The following LPAR1 variants were observed in gnomAD, a reference collection of about 807,000 sequenced individuals.
LPAR1 encodes the protein LPA receptor 1.
LPAR1 carries 5 observed loss-of-function variants against 23.8 expected under a neutral mutation model. The ratio of observed to expected loss-of-function variants is 0.21; its 90% CI spans 0.11 to 0.44. The LOEUF is 0.44. LPAR1 is among the 20% of genes least tolerant of loss of function. The pLI, the probability that LPAR1 is intolerant of heterozygous loss-of-function variation, is 0.99. For missense variants in LPAR1, 311 were observed against 482.8 expected (o/e 0.64, Z 3.33); for synonymous variants, 160 against 164.7 (o/e 0.97, Z 0.22).
At chr9:111,005,575 A>AAAAAAG (rs1564316925) in intron 2 of LPAR1, among the ~76,000 whole-genome samples, 12 of 131,508 alleles carry the variant, frequency 9.1e-5, no homozygotes, top group African/African-American at 3.6e-4. Context: ...AAAAAAAAAA[A>AAAAAAG]AAGAAGAATT....
chr9:110,911,473 T>C (rs1449325504), intron 5 of LPAR1, among the ~76,000 whole-genome samples: 1 of 151,914 alleles, frequency 6.6e-6, no homozygotes, highest in Non-Finnish European at 1.5e-5. Flanking sequence ...GCCTGGGAAG[T>C]AGAGGCTACA....
intron 2 of LPAR1, among the ~76,000 whole-genome samples, chr9:110,987,463 A>G (rs561003961): frequency 9.9e-5 from 15 of 151,634 alleles, no homozygotes; most frequent in African/African-American, 3.6e-4. Context: ...TACTCACGAA[A>G]TTATTCTTTA....
intron 2 of LPAR1, among the ~76,000 whole-genome samples, chr9:110,975,272 G>T (rs1313997185): frequency 6.6e-6 from 1 of 152,168 alleles, no homozygotes; most frequent in Non-Finnish European, 1.5e-5. Flanking sequence ...AATAGAAATG[G>T]ATGAGATCCA....
chr9:110,980,460 G>C (rs958295903), intron 2 of LPAR1, among the ~76,000 whole-genome samples: 2 of 151,894 alleles, frequency 1.3e-5, no homozygotes, highest in African/African-American at 4.8e-5. Context: ...CATACATCCT[G>C]TCATTTGCAG....
At chr9:110,943,612 C>A (rs1450862641) in intron 4 of LPAR1, among the ~76,000 whole-genome samples, 3 of 152,248 alleles carry the variant, frequency 2.0e-5, no homozygotes, top group African/African-American at 7.2e-5. Flanking sequence ...GTAATCCCAG[C>A]ACTTTGGGAG....
chr9:111,023,015 C>T (rs1374958096), intron 2 of LPAR1, among the ~76,000 whole-genome samples: 2 of 141,062 alleles, frequency 1.4e-5, no homozygotes, highest in Non-Finnish European at 1.5e-5. Context: ...CGCGCCACTG[C>T]ACTCCAGCCT....
chr9:110,954,324 A>ATATGT (rs1296510531), intron 4 of LPAR1, among the ~76,000 whole-genome samples: 3 of 152,242 alleles, frequency 2.0e-5, no homozygotes, highest in Admixed American at 2.0e-4. Flanking sequence ...CATATTGGAC[A>ATATGT]CAATATACTG....
In LPAR1 at chr9:110,902,508, A is replaced by T. The variant is rs1016140829; in HGVS notation, c.794-26786T>A. Reference sequence around the variant, plus strand: ...CGTGTTTGCTTCCCCTTCCACTATGATTGTTAAGTTTCCTGAGGCCTTCCA... The same window carrying T: ...CGTGTTTGCTTCCCCTTCCACTATGTTTGTTAAGTTTCCTGAGGCCTTCCA... On this transcript the variant is annotated intron_variant, in intron 5 of 5. Coordinates refer to ENST00000683809, the MANE Select transcript of LPAR1 (RefSeq NM_001351411.2). Among the ~76,000 whole-genome samples, 107 of 151,946 alleles carry T rather than the reference A, an allele frequency of 7.0e-4. 2 individuals carry two copies. The highest frequency in any genetic ancestry group is 6.9e-3 in the Admixed American group (106 of 15,256).
chr9:111,026,270 T>A (rs1193205800), intron 2 of LPAR1, among the ~76,000 whole-genome samples: 1 of 152,226 alleles, frequency 6.6e-6, no homozygotes, highest in Non-Finnish European at 1.5e-5. Context: ...TTCCTAAGTA[T>A]TTTATTCTCT....
chr9:110,899,506 T>A (rs1296954701), intron 5 of LPAR1, among the ~76,000 whole-genome samples: 2 of 152,238 alleles, frequency 1.3e-5, no homozygotes, highest in African/African-American at 4.8e-5. Flanking sequence ...GGCATTTACG[T>A]AGCTAAATGG....
intron 4 of LPAR1, among the ~76,000 whole-genome samples, chr9:110,954,356 T>C (rs1564153980): frequency 6.6e-6 from 1 of 152,178 alleles, no homozygotes; most frequent in South Asian, 2.1e-4. Context: ...GAATTTTACA[T>C]GTTCCAGAAG....
At chr9:110,904,738 G>C (rs1397406570) in intron 5 of LPAR1, among the ~76,000 whole-genome samples, 1 of 152,176 alleles carries the variant, frequency 6.6e-6, no homozygotes, top group Non-Finnish European at 1.5e-5. Context: ...AGTGGCTGGA[G>C]AAGTAGGTCT....
chr9:111,018,940 T>C (rs532028531), intron 2 of LPAR1, among the ~76,000 whole-genome samples: 9 of 152,334 alleles, frequency 5.9e-5, no homozygotes, highest in Non-Finnish European at 8.8e-5. Context: ...ATTAAAAATA[T>C]GATTCAGACT....
chr9:110,964,704 T>G (rs2096135403), intron 4 of LPAR1, among the ~76,000 whole-genome samples: 1 of 151,892 alleles, frequency 6.6e-6, no homozygotes, highest in Admixed American at 6.6e-5. Context: ...GAAATTCAGT[T>G]GCTTTGATAA....
chr9:110,896,890 C>T (rs968878281), intron 5 of LPAR1, among the ~76,000 whole-genome samples: 3 of 149,792 alleles, frequency 2.0e-5, no homozygotes, highest in Admixed American at 6.7e-5. Context: ...CAGGTTCATG[C>T]CATTCTCCTG....
chr9:110,917,719 A>AT (rs1460940175), intron 5 of LPAR1, among the ~76,000 whole-genome samples: 1 of 152,128 alleles, frequency 6.6e-6, no homozygotes, highest in East Asian at 1.9e-4. Flanking sequence ...ATTTCTCCTG[A>AT]TTTTACTTTA....
chr9:110,903,460 A>G (rs1266492562), intron 5 of LPAR1: 1 of 152,206 alleles, frequency 6.6e-6, no homozygotes, highest in African/African-American at 2.4e-5. Flanking sequence ...AAATTAAAAA[A>G]AGAACCAAAT....
chr9:110,925,568 C>T (rs1385866893), intron 5 of LPAR1, among the ~76,000 whole-genome samples: 1 of 152,126 alleles, frequency 6.6e-6, no homozygotes, highest in Non-Finnish European at 1.5e-5. Flanking sequence ...CTTCAGATCA[C>T]CTTGTACAGG....
At chr9:110,984,178 T>G (rs1227222073) in intron 2 of LPAR1, among the ~76,000 whole-genome samples, 1 of 152,020 alleles carries the variant, frequency 6.6e-6, no homozygotes, top group African/African-American at 2.4e-5. Flanking sequence ...TACCCTGTTA[T>G]GCTACCAAAT....
Sources: gnomAD v4.1 joint callset for allele counts (sites outside exome capture counted in the v4.1 genomes callset) on GRCh38, gnomAD v4.1.1 for gene constraint, MANE v1.5 for transcripts, NCBI Gene and HGNC (gene_info 2026-07-23, HGNC 2026-07-21) for gene names.